The following SYT1 variants were observed in gnomAD, a reference collection of about 807,000 sequenced individuals.
The protein encoded by SYT1 is synaptotagmin-1.
Under a neutral mutation model 44.8 loss-of-function variants are expected in SYT1, and 8 were observed. That is an observed-to-expected ratio of 0.18 (90% CI 0.10 to 0.32). The LOEUF is 0.32. Among genes scored for constraint, SYT1 ranks in the 10% least tolerant of loss-of-function variants. The probability of loss-of-function intolerance (pLI) is 1.00; values close to 1 mark genes in which losing one functional copy is unlikely to be tolerated. For missense variants in SYT1, 286 were observed against 509.3 expected, an observed-to-expected ratio of 0.56 and a Z score of 4.22; for synonymous variants, 154 against 188.8, an observed-to-expected ratio of 0.82 and a Z score of 1.51.
chr12:78,944,551 TC>T, intron 1 of SYT1, among the ~76,000 whole-genome samples: 1 of 152,124 alleles, frequency 6.6e-6, no homozygotes, highest in South Asian at 2.1e-4. Context: ...TATTAAAAAC[TC>T]CCTTAGAGAA....
At chr12:79,349,323 C>T (rs561479581) in intron 8 of SYT1, among the ~76,000 whole-genome samples, 63 of 152,108 alleles carry the variant, frequency 4.1e-4, no homozygotes, top group African/African-American at 1.4e-3. Flanking sequence ...GAGTTAGTGA[C>T]CCTGACAGAA....
intron 3 of SYT1, among the ~76,000 whole-genome samples, chr12:79,121,757 G>GC (rs2138135852): frequency 6.6e-6 from 1 of 152,244 alleles, no homozygotes; most frequent in Admixed American, 6.5e-5. Flanking sequence ...AAATTCTGGA[G>GC]CCCAAGTATT....
chr12:79,290,602 C>T (rs1330926684), intron 5 of SYT1, among the ~76,000 whole-genome samples: 1 of 152,156 alleles, frequency 6.6e-6, no homozygotes, highest in Non-Finnish European at 1.5e-5. Flanking sequence ...GATTCCTTTA[C>T]TTTATCAGAG....
chr12:79,190,826 GA>G (rs146039243), intron 3 of SYT1, among the ~76,000 whole-genome samples: 7,166 of 151,794 alleles, frequency 0.047, 331 homozygotes, highest in East Asian at 0.12. Flanking sequence ...CTTTTTTTCA[GA>G]ACTTTGTGTC....
At chr12:79,372,213 C>T (rs1883818749) in intron 9 of SYT1, among the ~76,000 whole-genome samples, 1 of 152,122 alleles carries the variant, frequency 6.6e-6, no homozygotes, top group Non-Finnish European at 1.5e-5. Context: ...TCTAGCATCG[C>T]CTAGCACATT....
At chr12:79,081,511 T>C (rs973923118) in intron 3 of SYT1, among the ~76,000 whole-genome samples, 5 of 151,998 alleles carry the variant, frequency 3.3e-5, no homozygotes, top group African/African-American at 1.2e-4. Flanking sequence ...CCCAAGTAGC[T>C]GGGGTTATAT....
intron 8 of SYT1, among the ~76,000 whole-genome samples, chr12:79,302,419 A>T (rs184948038): frequency 2.0e-5 from 3 of 152,212 alleles, no homozygotes; most frequent in African/African-American, 7.2e-5. Flanking sequence ...GTTGACAACT[A>T]TAAGTCATAA....
At chr12:79,021,687 T>G (rs7968671) in intron 2 of SYT1, among the ~76,000 whole-genome samples, 5 of 151,768 alleles carry the variant, frequency 3.3e-5, no homozygotes, top group Admixed American at 6.6e-5. Context: ...CAAATGTTGA[T>G]TTGCACCAAA....
At chr12:79,271,770 A>C (rs958944965) in intron 4 of SYT1, among the ~76,000 whole-genome samples, 1 of 152,190 alleles carries the variant, frequency 6.6e-6, no homozygotes, top group African/African-American at 2.4e-5. Flanking sequence ...AATGATTCCA[A>C]GTATTTCTAT....
At chr12:79,214,968 T>C (rs1464448575) in intron 3 of SYT1, among the ~76,000 whole-genome samples, 2 of 151,822 alleles carry the variant, frequency 1.3e-5, no homozygotes, top group Non-Finnish European at 2.9e-5. Flanking sequence ...TGTGTGTGTG[T>C]GTGTGTGTGT....
intron 3 of SYT1, among the ~76,000 whole-genome samples, chr12:79,213,246 T>C (rs897007584): frequency 6.6e-6 from 1 of 152,178 alleles, no homozygotes; most frequent in African/African-American, 2.4e-5. Flanking sequence ...AGAGTGTATA[T>C]ACTGGATGAC....
At chr12:79,229,779 G>C (rs1193231972) in intron 4 of SYT1, among the ~76,000 whole-genome samples, 1 of 151,904 alleles carries the variant, frequency 6.6e-6, no homozygotes, top group East Asian at 1.9e-4. Context: ...ATTTTTAGTA[G>C]AGACGGGGTT....
At chr12:78,966,967 A>G (rs1472346682) in intron 1 of SYT1, among the ~76,000 whole-genome samples, 5 of 152,202 alleles carry the variant, frequency 3.3e-5, no homozygotes, top group Non-Finnish European at 2.9e-5. Flanking sequence ...CCAGAGGTAT[A>G]TAAAATATTA....
chr12:78,965,698 A>G, intron 1 of SYT1, among the ~76,000 whole-genome samples: 1 of 152,282 alleles, frequency 6.6e-6, no homozygotes, highest in Middle Eastern at 3.4e-3. Flanking sequence ...ACTTGAGCCA[A>G]GATCGGTCTC....
intron 2 of SYT1, among the ~76,000 whole-genome samples, chr12:79,014,086 C>G (rs1216350758): frequency 7.5e-6 from 1 of 134,066 alleles, no homozygotes; most frequent in African/African-American, 2.8e-5. Context: ...GATTGTGCCA[C>G]TGCACTCCAG....
chr12:79,360,519 G>A (rs568233477), intron 9 of SYT1, among the ~76,000 whole-genome samples: 34 of 152,304 alleles, frequency 2.2e-4, no homozygotes, highest in African/African-American at 7.2e-4. Flanking sequence ...AAAGCCACCA[G>A]TCTGGGAGCC....
chr12:79,361,138 G>C lies in SYT1; in HGVS notation c.928+7519G>C, dbSNP rs558198876. Among the ~76,000 whole-genome samples, 4 of 152,302 alleles carry C rather than the reference G, an allele frequency of 2.6e-5. No homozygotes were observed. The East Asian group carries it at 7.7e-4, about 29-fold the overall frequency. Reference sequence around the variant, plus strand: ...TGTGCCAGGCACCATGCCAGTCCTTGAGAATATGAGTAAAAACAGCAGACA... The same window carrying C: ...TGTGCCAGGCACCATGCCAGTCCTTCAGAATATGAGTAAAAACAGCAGACA... On this transcript the variant is annotated intron_variant, in intron 9 of 10. Coordinates refer to ENST00000261205, the MANE Select transcript of SYT1 (RefSeq NM_005639.3).
At chr12:79,039,805 A>G (rs1486947327) in intron 2 of SYT1, among the ~76,000 whole-genome samples, 1 of 124,748 alleles carries the variant, frequency 8.0e-6, no homozygotes, top group East Asian at 2.6e-4. Flanking sequence ...CCAGAGTGTG[A>G]TATTCCCCTT....
At chr12:78,892,104 G>A (rs1260549890) in intron 1 of SYT1, among the ~76,000 whole-genome samples, 4 of 151,572 alleles carry the variant, frequency 2.6e-5, no homozygotes, top group Non-Finnish European at 5.9e-5. Context: ...TATCATGTAT[G>A]GTCTGCCTGA....
Sources: allele counts gnomAD v4.1 joint callset (sites outside exome capture counted in the v4.1 genomes callset), GRCh38; gene constraint gnomAD v4.1.1; transcripts MANE v1.5; gene names NCBI Gene and HGNC (gene_info 2026-07-23, HGNC 2026-07-21).